Variants in TRIM2 observed in about 807,000 individuals in gnomAD.
The protein encoded by TRIM2 is tripartite motif containing 2, also known as tripartite motif-containing protein 2.
In TRIM2, 20 loss-of-function variants were observed where a neutral mutation model predicts 75.2. The ratio of observed to expected loss-of-function variants is 0.27; its 90% CI spans 0.19 to 0.39. The LOEUF (loss-of-function observed/expected upper bound fraction) is 0.39, where lower values mean the gene tolerates loss of function less well. Among genes scored for constraint, TRIM2 ranks in the 10% least tolerant of loss-of-function variants. TRIM2 has a pLI of 1.00. For synonymous variants in TRIM2, 373 were observed against 388.3 expected, an observed-to-expected ratio of 0.96 and a Z score of 0.46; for missense variants, 660 against 990.8, an observed-to-expected ratio of 0.67 and a Z score of 4.48.
At chr4:153,187,662 C>T (rs1732740514) in intron 1 of TRIM2, among the ~76,000 whole-genome samples, 2 of 152,192 alleles carry the variant, frequency 1.3e-5, no homozygotes, top group South Asian at 4.1e-4. Flanking sequence ...AGGAGCCTGT[C>T]ACAGAGCCTC....
intron 1 of TRIM2, among the ~76,000 whole-genome samples, chr4:153,220,401 T>TA (rs1167980111): frequency 1.3e-5 from 2 of 152,194 alleles, no homozygotes; most frequent in Non-Finnish European, 2.9e-5. Flanking sequence ...TCTTAGCTTC[T>TA]GACAACAGAC....
chr4:153,204,094 G>A (rs1338936668), upstream of TRIM2, among the ~76,000 whole-genome samples: 3 of 152,268 alleles, frequency 2.0e-5, no homozygotes, highest in East Asian at 5.8e-4. Flanking sequence ...AACCCCGGAA[G>A]ACAACAGATA....
intron 1 of TRIM2, among the ~76,000 whole-genome samples, chr4:153,268,369 T>C (rs1230864281): frequency 9.4e-6 from 1 of 106,042 alleles, no homozygotes; most frequent in Non-Finnish European, 1.9e-5. Flanking sequence ...CCATTATCAA[T>C]TTTTTTCAGA....
chr4:153,338,800 A>T lies in TRIM2; in HGVS notation c.*3834A>T. On this transcript the variant is annotated 3_prime_UTR_variant, in exon 12 of 12. Transcript: ENST00000338700. ...GTTCCAATGAATGTACAGCACTTCC[A>T]TTAACTTTTGAAAGCAACACAGCCT... The T allele has an allele frequency of 1.0e-6, 1 of 985,852 alleles. No individual in the cohort carries two copies. The highest frequency in any genetic ancestry group is 1.2e-6 in the Non-Finnish European group (1 of 829,912). The allele number at this position is 985,852 out of a possible 1,614,324, so 61.1% of individuals were successfully genotyped here.
chr4:153,322,704 T>C lies in TRIM2; in HGVS notation c.1839T>C (p.Asn613=). 1 of 1,614,204 alleles carries C rather than the reference T, an allele frequency of 6.2e-7. No homozygotes were observed. The highest frequency in any genetic ancestry group is 8.5e-7 in the Non-Finnish European group (1 of 1,180,028). ...MGPKGVSVDR[N]GHIIVVDNKA... Reference sequence around the variant, plus strand: ...CCAAAGGAGTTTCTGTGGACCGCAATGGGCACATTATTGTTGTGGACAACA... The same window carrying C: ...CCAAAGGAGTTTCTGTGGACCGCAACGGGCACATTATTGTTGTGGACAACA... Residue 613 remains asparagine, a synonymous_variant, in exon 9 of 12, where the codon AAT becomes AAC. Transcript: ENST00000338700.
chr4:153,175,428 C>T (rs902692952), intron 1 of TRIM2, among the ~76,000 whole-genome samples: 4 of 152,060 alleles, frequency 2.6e-5, no homozygotes, highest in Non-Finnish European at 5.9e-5. Context: ...AACTCTCACA[C>T]TGCCGTGATG....
At chr4:153,178,569 A>G (rs1435776754) in intron 1 of TRIM2, among the ~76,000 whole-genome samples, 1 of 152,138 alleles carries the variant, frequency 6.6e-6, no homozygotes, top group Non-Finnish European at 1.5e-5. Flanking sequence ...AAAGCTCACT[A>G]TGCTAGATAA....
intron 1 of TRIM2, among the ~76,000 whole-genome samples, chr4:153,193,330 A>G (rs1318219069): frequency 2.0e-5 from 3 of 151,810 alleles, no homozygotes; most frequent in Non-Finnish European, 4.4e-5. Flanking sequence ...ACAGGGTTTC[A>G]CTGTGTTAGT....
At chr4:153,331,307 A>G (rs1182626678) in intron 11 of TRIM2, among the ~76,000 whole-genome samples, 2 of 152,202 alleles carry the variant, frequency 1.3e-5, no homozygotes, top group East Asian at 3.8e-4. Flanking sequence ...TGGGTGACAG[A>G]GCAAGACCCT....
intron 1 of TRIM2, among the ~76,000 whole-genome samples, chr4:153,219,920 G>A (rs1739502463): frequency 6.6e-6 from 1 of 151,972 alleles, no homozygotes; most frequent in Non-Finnish European, 1.5e-5. Context: ...GAAGGAAATA[G>A]AGCACAAGAT....
chr4:153,202,834 C>T (rs112035414), upstream of TRIM2, among the ~76,000 whole-genome samples: 2,800 of 151,896 alleles, frequency 0.018, 62 homozygotes, highest in African/African-American at 0.053. Flanking sequence ...AGGCCGGGCG[C>T]GGTGGCTCAC....
chr4:153,269,405 C>G (rs1756081327), intron 1 of TRIM2, among the ~76,000 whole-genome samples: 1 of 152,140 alleles, frequency 6.6e-6, no homozygotes, highest in Non-Finnish European at 1.5e-5. Context: ...CTTCCTGGCT[C>G]TGGAGAGAGA....
Position 153,171,619 on chromosome 4 carries a change from T to G in TRIM2, c.-49+18349T>G, listed in dbSNP as rs1202025030. Among the ~76,000 whole-genome samples the G allele has an allele frequency of 2.8e-5, 4 of 141,882 alleles. No homozygotes were observed. In the Admixed American group the frequency reaches 2.9e-4, roughly 10 times the overall value. 93.1% of individuals were successfully genotyped at this position (141,882 alleles called of 152,430 possible). On this transcript the variant is annotated intron_variant, in intron 1 of 11. Coordinates refer to the TRIM2 transcript ENST00000437508. ...AAAACAAAACAAAAAAATATATATA[T>G]ATGAATTGGATTGGTTAATGGAAAA...
At chr4:153,257,766 G>A in intron 1 of TRIM2, 3 of 464,070 alleles carry the variant, frequency 6.5e-6, no homozygotes, top group African/African-American at 2.0e-5. Context: ...TTCAGAAATG[G>A]GTAGGTCCTA....
chr4:153,275,485 C>T (rs1229273121), intron 2 of TRIM2, among the ~76,000 whole-genome samples: 1 of 152,314 alleles, frequency 6.6e-6, no homozygotes, highest in South Asian at 2.1e-4. Flanking sequence ...TATGAGCCCA[C>T]TGCTAGATAT....
At chr4:153,329,009 C>A (rs537604034) in intron 11 of TRIM2, among the ~76,000 whole-genome samples, 2 of 152,202 alleles carry the variant, frequency 1.3e-5, no homozygotes, top group South Asian at 4.1e-4. Flanking sequence ...ATATAAGCAA[C>A]AATCATAGTA....
intron 3 of TRIM2, among the ~76,000 whole-genome samples, chr4:153,283,080 T>C (rs1759731450): frequency 6.6e-6 from 1 of 152,114 alleles, no homozygotes. Context: ...CTGCACCAGG[T>C]CTCAACCATT....
chr4:153,314,798 A>G (rs1767232358), intron 6 of TRIM2, among the ~76,000 whole-genome samples: 1 of 151,846 alleles, frequency 6.6e-6, no homozygotes, highest in Admixed American at 6.6e-5. Flanking sequence ...CTATTTTTAT[A>G]ACTATCTGTG....
At chr4:153,265,419 C>T (rs1161383779) in intron 1 of TRIM2, among the ~76,000 whole-genome samples, 2 of 151,726 alleles carry the variant, frequency 1.3e-5, no homozygotes, top group Admixed American at 6.6e-5. Context: ...TCTTGGCTCA[C>T]TGCAAGCTCT....
Sources: allele counts gnomAD v4.1 joint callset (sites outside exome capture counted in the v4.1 genomes callset), GRCh38; gene constraint gnomAD v4.1.1; transcripts MANE v1.5; gene names NCBI Gene and HGNC (gene_info 2026-07-23, HGNC 2026-07-21).